The following LRP6 variants were observed in gnomAD, a reference collection of about 807,000 sequenced individuals.
LRP6 encodes the protein LDL receptor related protein 6.
A neutral mutation model predicts 184.1 loss-of-function variants in LRP6; 43 were observed. That is an observed-to-expected ratio of 0.23 (90% CI 0.18 to 0.30). The LOEUF (loss-of-function observed/expected upper bound fraction) is 0.30. Ranked by LOEUF, LRP6 falls within the 10% of genes least tolerant of loss-of-function variation. The pLI, the probability that LRP6 is intolerant of heterozygous loss-of-function variation, is 1.00. For synonymous variants in LRP6, 719 were observed against 684.9 expected (o/e 1.05, Z -0.78); for missense variants, 1,571 against 2,005.3 (o/e 0.78, Z 4.14).
At chr12:12,152,678 C>T (rs140530149) in intron 12 of LRP6, among the ~76,000 whole-genome samples, 51 of 152,286 alleles carry the variant, frequency 3.3e-4, no homozygotes, top group Non-Finnish European at 6.8e-4. Flanking sequence ...CATAATTATA[C>T]TCTATTTTCT....
chr12:12,177,599 T>A (rs1863227272), intron 7 of LRP6, among the ~76,000 whole-genome samples: 1 of 152,094 alleles, frequency 6.6e-6, no homozygotes, highest in African/African-American at 2.4e-5. Context: ...TACATCAACA[T>A]AAGAAGAGAA....
intron 10 of LRP6, among the ~76,000 whole-genome samples, chr12:12,160,873 C>A (rs1452160291): frequency 6.6e-6 from 1 of 152,228 alleles, no homozygotes; most frequent in Admixed American, 6.5e-5. Flanking sequence ...AAAAGCACAT[C>A]ACATGCCAGC....
intron 3 of LRP6, among the ~76,000 whole-genome samples, chr12:12,199,993 A>C (rs1381274781): frequency 3.7e-5 from 5 of 133,942 alleles, no homozygotes; most frequent in Admixed American, 7.8e-5. Flanking sequence ...AAAAAAAAAA[A>C]AACACAAGGC....
intron 2 of LRP6, among the ~76,000 whole-genome samples, chr12:12,213,453 A>G (rs544503107): frequency 2.7e-4 from 41 of 151,746 alleles, no homozygotes; most frequent in African/African-American, 9.7e-4. Flanking sequence ...ATCAAGGCTA[A>G]CTCTATTATT....
intron 2 of LRP6, among the ~76,000 whole-genome samples, chr12:12,220,936 C>T (rs1864470881): frequency 6.6e-6 from 1 of 152,156 alleles, no homozygotes; most frequent in African/African-American, 2.4e-5. Context: ...CATCCCAAAG[C>T]ATCACTTTAA....
chr12:12,233,359 T>A (rs1864841540), intron 2 of LRP6, among the ~76,000 whole-genome samples: 1 of 152,002 alleles, frequency 6.6e-6, no homozygotes, highest in South Asian at 2.1e-4. Flanking sequence ...TCCCAGCTAC[T>A]CAAGAGGCTG....
intron 2 of LRP6, among the ~76,000 whole-genome samples, chr12:12,227,473 T>A (rs1864658422): frequency 6.6e-6 from 1 of 151,214 alleles, no homozygotes; most frequent in South Asian, 2.1e-4. Flanking sequence ...AACAGCGCAA[T>A]CTCGCCTCAC....
intron 15 of LRP6, among the ~76,000 whole-genome samples, chr12:12,140,906 A>T (rs1388020162): frequency 1.3e-5 from 2 of 151,328 alleles, no homozygotes; most frequent in Non-Finnish European, 3.0e-5. Context: ...CTGGCCAATT[A>T]AAAAAATAAA....
In LRP6 at chr12:12,158,847, C is replaced by T; in HGVS notation, c.2773G>A (p.Asp925Asn). The change falls in exon 12 of 23, where the codon GAC becomes AAC. Residue 925 changes from aspartate (D) to asparagine (N), a missense_variant. Asp to Asn is a conservative substitution (Grantham distance 23, BLOSUM62 1). Coordinates refer to ENST00000261349, the MANE Select transcript of LRP6 (RefSeq NM_002336.3). ...AGCTTACCACTACAAGTCCTGTTGT[C>T]AGCATTAAGAGAGTAGTGGGCAGGG... Reference protein sequence around the residue: ...GCPAHYSLNADNRTCSAPTTF... With the variant: ...GCPAHYSLNANNRTCSAPTTF... 1 of 1,614,152 alleles carries T rather than the reference C, an allele frequency of 6.2e-7. No homozygotes were observed. Among genetic ancestry groups the T allele is most frequent in the South Asian group, 1.1e-5 (1 of 91,078 alleles).
intron 15 of LRP6, among the ~76,000 whole-genome samples, chr12:12,139,535 G>A (rs990610269): frequency 6.6e-6 from 1 of 152,070 alleles, no homozygotes; most frequent in African/African-American, 2.4e-5. Context: ...ATCAGCCTGG[G>A]CAACATGGCA....
rs975460125 is a variant in LRP6, at chr12:12,151,952, C to A, written c.2792-914G>T. On this transcript the variant is annotated intron_variant, in intron 12 of 22. Coordinates refer to ENST00000261349, the MANE Select transcript of LRP6 (RefSeq NM_002336.3). Reference sequence around the variant, plus strand: ...TACTATTTTGTTGTTTATGTGAGGACGGCATGGAAAGAGAGCAGGTAAAAA... The same window carrying A: ...TACTATTTTGTTGTTTATGTGAGGAAGGCATGGAAAGAGAGCAGGTAAAAA... Among the ~76,000 whole-genome samples, 3 of 151,956 alleles carry A rather than the reference C, an allele frequency of 2.0e-5. No individual in the cohort carries two copies. The South Asian group carries it at 6.3e-4, about 32-fold the overall frequency.
In LRP6 at chr12:12,119,990, A is replaced by AAC. The variant is rs1949576016; in HGVS notation, c.*1135_*1136insGT. ...ACTCAGAAAACAAACAAACAAACAA[A>AAC]ATATATATATATATATATATATATA... On this transcript the variant is annotated 3_prime_UTR_variant, in exon 23 of 23. Coordinates refer to ENST00000261349, the MANE Select transcript of LRP6 (RefSeq NM_002336.3). 1 of 45,514 alleles carries AAC rather than the reference A, an allele frequency of 2.2e-5. No individual in the cohort carries two copies. The highest frequency in any genetic ancestry group is 9.5e-5 in the African/African-American group (1 of 10,534). The allele number at this position is 45,514 out of a possible 1,614,324, so 2.8% of individuals were successfully genotyped here.
At chr12:12,264,132 CTT>C (rs1157716395) in intron 1 of LRP6, among the ~76,000 whole-genome samples, 2 of 151,344 alleles carry the variant, frequency 1.3e-5, no homozygotes, top group Non-Finnish European at 2.9e-5. Context: ...TGAAGCAAGA[CTT>C]TGTCTCTTTA....
chr12:12,136,797 T>C (rs1296372954), intron 16 of LRP6, among the ~76,000 whole-genome samples: 2 of 152,184 alleles, frequency 1.3e-5, no homozygotes, highest in Non-Finnish European at 2.9e-5. Context: ...TTTAATTCCA[T>C]GACATTTTTG....
Position 12,150,956 on chromosome 12 carries a change from G to A in LRP6, c.2874C>T (p.Ile958=). ...CATTCCGAAGGCTGTGGATGGGAAGGATGATGTCGGGGCTCTGTTGTTCAT... is the reference window on the plus strand; with the variant it reads ...CATTCCGAAGGCTGTGGATGGGAAGAATGATGTCGGGGCTCTGTTGTTCAT... The part of the protein sequence containing the change: ...VIDEQQSPDI[I]LPIHSLRNVR... Residue 958 remains isoleucine, a synonymous_variant, in exon 13 of 23, where the codon ATC becomes ATT. Coordinates refer to ENST00000261349, the MANE Select transcript of LRP6 (RefSeq NM_002336.3). 1 of 1,614,178 alleles carries A rather than the reference G, an allele frequency of 6.2e-7. No individual in the cohort carries two copies. Among genetic ancestry groups the A allele is most frequent in the Non-Finnish European group, 8.5e-7 (1 of 1,180,016 alleles).
chr12:12,234,714 C>T (rs1338518230), intron 2 of LRP6, among the ~76,000 whole-genome samples: 4 of 151,074 alleles, frequency 2.6e-5, no homozygotes, highest in Non-Finnish European at 5.9e-5. Flanking sequence ...ATCTGTTAAT[C>T]CAGCTACTCA....
intron 13 of LRP6, 111 bp downstream of exon 13, chr12:12,150,725 T>A (rs190828992): frequency 8.9e-7 from 1 of 1,129,724 alleles, no homozygotes; most frequent in East Asian, 2.3e-5. Context: ...TTCAGTTTCA[T>A]ACACACATAC....
chr12:12,118,886 T>C lies in LRP6; in HGVS notation c.*2240A>G, dbSNP rs1354061325. The C allele has an allele frequency of 1.3e-5, 2 of 152,256 alleles. No homozygotes were observed. The highest frequency in any genetic ancestry group is 2.4e-5 in the African/African-American group (1 of 41,472). 9.4% of individuals were successfully genotyped at this position (152,256 alleles called of 1,614,324 possible). A position where few individuals can be genotyped will look rare whatever the true frequency, so the allele number is the denominator to read the frequency against. ...CAAGGCAATATTCTTCTTAGTTAAT[T>C]AGAGTGCAAGTCTCCACATGGGAAG... On this transcript the variant is annotated 3_prime_UTR_variant, in exon 23 of 23. Coordinates refer to ENST00000261349, the MANE Select transcript of LRP6 (RefSeq NM_002336.3).
chr12:12,249,032 T>C, intron 1 of LRP6: 1 of 657,518 alleles, frequency 1.5e-6, no homozygotes, highest in South Asian at 1.6e-5. Context: ...CCCTTGCAAT[T>C]TCCCACTTTT....
Sources: gnomAD v4.1 joint callset for allele counts (sites outside exome capture counted in the v4.1 genomes callset) on GRCh38, gnomAD v4.1.1 for gene constraint, MANE v1.5 for transcripts, NCBI Gene and HGNC (gene_info 2026-07-23, HGNC 2026-07-21) for gene names.